ENPP2: variants seen among roughly 807,000 people sequenced by gnomAD.
ENPP2 encodes ectonucleotide pyrophosphatase/phosphodiesterase 2, also known as autotaxin.
A neutral mutation model predicts 120.2 loss-of-function variants in ENPP2; 51 were observed. That is an observed-to-expected ratio of 0.42 (90% CI 0.34 to 0.54). The LOEUF is 0.54. Ranked by LOEUF, ENPP2 falls within the 20% of genes least tolerant of loss-of-function variation. The pLI is 0.04. For synonymous variants in ENPP2, 365 were observed against 366.4 expected, an observed-to-expected ratio of 1.00 and a Z score of 0.04; for missense variants, 920 against 1,066.5, an observed-to-expected ratio of 0.86 and a Z score of 1.91.
At chr8:119,607,807 T>C in intron 9 of ENPP2, 115 bp downstream of exon 9, 1 of 677,880 alleles carries the variant, frequency 1.5e-6, no homozygotes, top group Non-Finnish European at 2.4e-6. Context: ...TAGTAAATAT[T>C]CAAAAGTTCT....
intron 1 of ENPP2, among the ~76,000 whole-genome samples, chr8:119,648,409 T>C (rs960778337): frequency 6.6e-6 from 1 of 152,220 alleles, no homozygotes; most frequent in African/African-American, 2.4e-5. Context: ...TTTAACCTTA[T>C]GAGAAAATGA....
chr8:119,560,240 T>C (rs748327730), intron 24 of ENPP2, among the ~76,000 whole-genome samples: 17 of 152,192 alleles, frequency 1.1e-4, no homozygotes, highest in Non-Finnish European at 2.1e-4. Flanking sequence ...TATCCCATAA[T>C]ACAACAGTTT....
chr8:119,623,743 A>T (rs566452629), intron 3 of ENPP2, among the ~76,000 whole-genome samples: 12 of 152,076 alleles, frequency 7.9e-5, no homozygotes, highest in Middle Eastern at 3.4e-3. Flanking sequence ...CTCCTGACTC[A>T]GCTTCCCAAG....
At chr8:119,655,887 A>G (rs2130884718) in intron 1 of ENPP2, among the ~76,000 whole-genome samples, 1 of 152,316 alleles carries the variant, frequency 6.6e-6, no homozygotes, top group South Asian at 2.1e-4. Context: ...ATTTAGTTTT[A>G]TTACTATTAA....
chr8:119,664,179 T>C (rs1818004449), intron 1 of ENPP2, among the ~76,000 whole-genome samples: 1 of 152,206 alleles, frequency 6.6e-6, no homozygotes, highest in East Asian at 1.9e-4. Flanking sequence ...TGGCTCAGCA[T>C]GCTACAAACT....
intron 12 of ENPP2, among the ~76,000 whole-genome samples, chr8:119,591,712 C>CTTCCCTTGTG (rs1394524284): frequency 6.6e-6 from 1 of 152,142 alleles, no homozygotes; most frequent in African/African-American, 2.4e-5. Context: ...GATCCAGAAC[C>CTTCCCTTGTG]TTCCCTTGTT....
intron 1 of ENPP2, among the ~76,000 whole-genome samples, chr8:119,659,598 C>T (rs1437728967): frequency 1.3e-5 from 2 of 152,166 alleles, no homozygotes; most frequent in African/African-American, 2.4e-5. Flanking sequence ...CCTTCCATTC[C>T]CATCCCTCTC....
intron 19 of ENPP2, among the ~76,000 whole-genome samples, chr8:119,574,048 T>G (rs1261471634): frequency 6.6e-6 from 1 of 152,142 alleles, no homozygotes; most frequent in Non-Finnish European, 1.5e-5. Flanking sequence ...TTCCTGGAGC[T>G]TAACAGTTTC....
intron 5 of ENPP2, among the ~76,000 whole-genome samples, chr8:119,617,827 T>C (rs879479035): frequency 1.2e-4 from 19 of 152,046 alleles, no homozygotes; most frequent in Admixed American, 1.0e-3. Flanking sequence ...CGGGCACCTG[T>C]AATCCCAGCT....
rs769756613 is a variant in ENPP2, at chr8:119,638,763, C to T, written c.18G>A (p.Ser6=). ...GTTCTCCCACCTGACACGACTGGAA[C>T]GAGCTCCTCCTTGCCATGTCGAGGA... MARRS[S]FQSCQIISLF... is the part of the protein sequence containing the mutation. Residue 6 remains serine (S), a synonymous_variant, in exon 1 of 25, where the codon TCG becomes TCA. Transcript: ENST00000075322. 6.8e-6 allele frequency: 11 copies of T among 1,606,178 alleles called. No homozygotes were observed. The highest frequency in any genetic ancestry group is 9.4e-6 in the Non-Finnish European group (11 of 1,172,824).
At chr8:119,618,104 A>T (rs1815600881) in intron 5 of ENPP2, 2 of 343,678 alleles carry the variant, frequency 5.8e-6, no homozygotes, top group Non-Finnish European at 1.1e-5. Context: ...GGTACAGATT[A>T]AGAAGTCATG....
chr8:119,623,044 A>G (rs1816016104), intron 3 of ENPP2, among the ~76,000 whole-genome samples: 2 of 152,248 alleles, frequency 1.3e-5, no homozygotes, highest in African/African-American at 4.8e-5. Flanking sequence ...TAAAATACAT[A>G]TGAACACTTC....
intron 5 of ENPP2, chr8:119,618,115 A>G (rs1347601351): frequency 8.7e-6 from 3 of 345,626 alleles, no homozygotes; most frequent in Non-Finnish European, 1.7e-5. Flanking sequence ...AGAAGTCATG[A>G]AACATTTCTG....
In ENPP2 at chr8:119,651,950, G is replaced by A. The variant is rs759827960; in HGVS notation, c.22-13423C>T. On this transcript the variant is annotated intron_variant, in intron 1 of 25. Coordinates refer to the ENPP2 transcript ENST00000427067. ...GAAAGCTTACGCTGTGTCAAGTACC[G>A]CTTGATATCAAGGATAGTGAGATGA... 2.6e-4 allele frequency among the ~76,000 whole-genome samples: 40 copies of A among 152,312 alleles called. 1 individual carries two copies. The highest frequency in any genetic ancestry group is 1.8e-3 in the Admixed American group (28 of 15,298).
intron 19 of ENPP2, among the ~76,000 whole-genome samples, chr8:119,579,871 T>A (rs1177292980): frequency 1.3e-5 from 2 of 152,150 alleles, no homozygotes; most frequent in African/African-American, 4.8e-5. Flanking sequence ...GATTGTGTAC[T>A]TTTCAGAGGG....
chr8:119,621,314 A>T, intron 4 of ENPP2, 80 bp downstream of exon 4: 1 of 1,290,606 alleles, frequency 7.7e-7, no homozygotes, highest in Admixed American at 1.7e-5. Context: ...AGTGTGGTCT[A>T]TTCCTAGCAT....
At chr8:119,587,113 C>T in intron 13 of ENPP2, 38 bp from the exon 14 acceptor site, 1 of 1,539,262 alleles carries the variant, frequency 6.5e-7, no homozygotes, top group Non-Finnish European at 8.9e-7. Context: ...AAAGAAATAA[C>T]AACCATTACC....
intron 2 of ENPP2, among the ~76,000 whole-genome samples, chr8:119,637,090 C>A (rs1239025171): frequency 6.6e-6 from 1 of 152,088 alleles, no homozygotes; most frequent in Non-Finnish European, 1.5e-5. Context: ...TTGAAAAGAA[C>A]CAGCAGTTGG....
chr8:119,564,966 AC>A lies in ENPP2; in HGVS notation c.2132-12del. 1 of 1,607,614 alleles carries A rather than the reference AC, an allele frequency of 6.2e-7. No individual in the cohort carries two copies. Among genetic ancestry groups the A allele is most frequent in the Non-Finnish European group, 8.5e-7 (1 of 1,177,408 alleles). On this transcript the variant is annotated splice_polypyrimidine_tract_variant and intron_variant, in intron 22 of 24. Transcript: ENST00000075322. Reference sequence around the variant, plus strand: ...AATAATTCCAGACCCCTGTGCAAAGACAAAAATCCAAAAATCAATTATTCAT... The same window carrying A: ...AATAATTCCAGACCCCTGTGCAAAGAAAAAATCCAAAAATCAATTATTCAT...
Sources: gnomAD v4.1 joint callset for allele counts (sites outside exome capture counted in the v4.1 genomes callset) on GRCh38, gnomAD v4.1.1 for gene constraint, MANE v1.5 for transcripts, NCBI Gene and HGNC (gene_info 2026-07-23, HGNC 2026-07-21) for gene names.